Variants in THADA observed in about 807,000 individuals in gnomAD.
THADA encodes tRNA (32-2'-O)-methyltransferase regulator THADA.
THADA carries 213 observed loss-of-function variants against 219.8 expected under a neutral mutation model. That is an observed-to-expected ratio of 0.97 (90% CI 0.87 to 1.09). The LOEUF is 1.09. Among genes scored for constraint, THADA ranks in the 50% least tolerant of loss-of-function variants. The pLI is 0.00. For synonymous variants in THADA, 1,018 were observed against 828.9 expected (o/e 1.23, Z -3.92); for missense variants, 2,956 against 2,311.3 (o/e 1.28, Z -5.72).
chr2:43,456,190 T>C (rs1682973505), intron 26 of THADA, among the ~76,000 whole-genome samples: 1 of 152,238 alleles, frequency 6.6e-6, no homozygotes. Flanking sequence ...AATACTCATC[T>C]AAATTATAAA....
intron 29 of THADA, among the ~76,000 whole-genome samples, chr2:43,376,999 G>A (rs1253532893): frequency 1.3e-5 from 2 of 152,152 alleles, no homozygotes; most frequent in Admixed American, 6.5e-5. Context: ...CATTCATGGA[G>A]TACACGGCTC....
At chr2:43,469,282 G>C (rs1039251821) in intron 26 of THADA, among the ~76,000 whole-genome samples, 1 of 152,168 alleles carries the variant, frequency 6.6e-6, no homozygotes, top group South Asian at 2.1e-4. Context: ...TTATTTGTTG[G>C]GGTGGGAGAA....
At chr2:43,434,798 C>A (rs1679854881) in intron 26 of THADA, among the ~76,000 whole-genome samples, 2 of 152,202 alleles carry the variant, frequency 1.3e-5, no homozygotes, top group African/African-American at 4.8e-5. Flanking sequence ...AGGCAAGAAC[C>A]CTGGGATACA....
intron 22 of THADA, among the ~76,000 whole-genome samples, chr2:43,517,742 T>C (rs1055298523): frequency 2.6e-5 from 4 of 152,202 alleles, no homozygotes; most frequent in African/African-American, 9.6e-5. Flanking sequence ...TAAATATTAA[T>C]GTGTGTACCA....
intron 29 of THADA, chr2:43,371,875 C>G (rs1439074244): frequency 6.6e-6 from 1 of 152,102 alleles, no homozygotes; most frequent in Non-Finnish European, 1.5e-5. Flanking sequence ...ATTTTAGCAG[C>G]TAGGTTTATG....
intron 26 of THADA, among the ~76,000 whole-genome samples, chr2:43,439,530 C>T (rs957306464): frequency 6.6e-5 from 10 of 152,142 alleles, no homozygotes; most frequent in Non-Finnish European, 1.5e-4. Flanking sequence ...GATCAACTGT[C>T]CTGGTGTCAC....
intron 11 of THADA, 93 bp downstream of exon 11, chr2:43,574,243 T>C (rs1699597381): frequency 4.8e-6 from 4 of 839,504 alleles, no homozygotes; most frequent in Non-Finnish European, 7.2e-6. Flanking sequence ...ATAGAAGTGA[T>C]ATTTAAATTT....
At chr2:43,300,712 CAA>C (rs1676159796) in intron 31 of THADA, among the ~76,000 whole-genome samples, 1 of 152,114 alleles carries the variant, frequency 6.6e-6, no homozygotes, top group South Asian at 2.1e-4. Flanking sequence ...AGAGGAGCAG[CAA>C]GAGAGGTTAG....
At chr2:43,391,592 T>C (rs759644322) in intron 29 of THADA, among the ~76,000 whole-genome samples, 3 of 152,118 alleles carry the variant, frequency 2.0e-5, no homozygotes, top group Non-Finnish European at 2.9e-5. Flanking sequence ...CAAGGTTTAG[T>C]CCTTTCTTTA....
chr2:43,286,264 G>A (rs1295984601), intron 35 of THADA, among the ~76,000 whole-genome samples: 1 of 152,130 alleles, frequency 6.6e-6, no homozygotes, highest in African/African-American at 2.4e-5. Flanking sequence ...GTGGGCTAGG[G>A]GACAGAAAAG....
intron 36 of THADA, among the ~76,000 whole-genome samples, chr2:43,273,829 T>A (rs1672412814): frequency 1.3e-5 from 2 of 152,172 alleles, no homozygotes; most frequent in South Asian, 4.1e-4. Flanking sequence ...GGTCGGGGCA[T>A]ATGAGAAGTG....
intron 24 of THADA, 51 bp downstream of exon 24, chr2:43,505,566 AAAAAC>A (rs1383572096): frequency 3.7e-6 from 5 of 1,356,484 alleles, no homozygotes; most frequent in Non-Finnish European, 5.1e-6. Flanking sequence ...GAAAAAAGTG[AAAAAC>A]AAAACAAAAC....
chr2:43,238,933 T>A (rs975712144), intron 36 of THADA, among the ~76,000 whole-genome samples: 8 of 151,980 alleles, frequency 5.3e-5, no homozygotes, highest in African/African-American at 1.2e-4. Context: ...ATGTGGGGAA[T>A]AAATGATCTC....
chr2:43,520,546 C>G (rs754417730), intron 22 of THADA, among the ~76,000 whole-genome samples: 2 of 151,936 alleles, frequency 1.3e-5, no homozygotes, highest in Non-Finnish European at 2.9e-5. Context: ...AGAAATTAGC[C>G]AGGCATGGTG....
At chr2:43,587,059 G>C in intron 4 of THADA, 57 bp from the exon 5 acceptor site, 3 of 1,513,740 alleles carry the variant, frequency 2.0e-6, no homozygotes, top group Non-Finnish European at 2.7e-6. Flanking sequence ...AGAATATGTG[G>C]AGAGGGAAGA....
chr2:43,574,467 A>G lies in THADA; in HGVS notation c.1598T>C (p.Ile533Thr). ...TTGATCCAAGTTTCCTTCACACAATATAAAAAGGAGAGGAGAAACCCAAGT... is the reference window on the plus strand; with the variant it reads ...TTGATCCAAGTTTCCTTCACACAATGTAAAAAGGAGAGGAGAAACCCAAGT... ...HETWVSPLLF[I>T]LCEGNLDQKS... Residue 533 changes from isoleucine (I) to threonine (T), a missense_variant, in exon 11 of 38, where the codon ATA becomes ACA. Physicochemically the swap from Ile to Thr is moderately conservative, Grantham distance 89 (BLOSUM62 -1). Coordinates refer to ENST00000405975, the MANE Select transcript of THADA (RefSeq NM_022065.5). 1.9e-6 allele frequency: 3 copies of G among 1,613,772 alleles called. No homozygotes were observed. The highest frequency in any genetic ancestry group is 2.5e-6 in the Non-Finnish European group (3 of 1,179,756).
chr2:43,373,825 T>A (rs1420447642), intron 29 of THADA, among the ~76,000 whole-genome samples: 1 of 152,212 alleles, frequency 6.6e-6, no homozygotes, highest in Non-Finnish European at 1.5e-5. Flanking sequence ...CCAGGAAAAC[T>A]CATTTCTAAT....
At chr2:43,261,503 C>T (rs1670940083) in intron 36 of THADA, among the ~76,000 whole-genome samples, 1 of 151,978 alleles carries the variant, frequency 6.6e-6, no homozygotes, top group Non-Finnish European at 1.5e-5. Context: ...CTCTGTCGCC[C>T]AGGCTGGACT....
At chr2:43,326,591 T>A (rs1025399263) in intron 30 of THADA, among the ~76,000 whole-genome samples, 1 of 152,212 alleles carries the variant, frequency 6.6e-6, no homozygotes, top group Non-Finnish European at 1.5e-5. Flanking sequence ...GTCTGGTCCA[T>A]GGACAGCTGT....
Sources: gnomAD v4.1 joint callset for allele counts (sites outside exome capture counted in the v4.1 genomes callset) on GRCh38, gnomAD v4.1.1 for gene constraint, MANE v1.5 for transcripts, NCBI Gene and HGNC (gene_info 2026-07-23, HGNC 2026-07-21) for gene names.